RABGAP1L: variants seen among roughly 807,000 people sequenced by gnomAD.
The protein encoded by RABGAP1L is RAB GTPase activating protein 1 like, also known as rab GTPase-activating protein 1-like.
In RABGAP1L, 63 loss-of-function variants were observed where a neutral mutation model predicts 137.7. That is an observed-to-expected ratio of 0.46 (90% confidence interval 0.37 to 0.56). The LOEUF (loss-of-function observed/expected upper bound fraction) is 0.56, where lower values mean the gene tolerates loss of function less well. RABGAP1L is among the 20% of genes least tolerant of loss of function. The pLI, the probability that RABGAP1L is intolerant of heterozygous loss-of-function variation, is 0.00. For synonymous variants in RABGAP1L, 431 were observed against 433.7 expected (o/e 0.99, Z 0.08); for missense variants, 1,095 against 1,244.0 (o/e 0.88, Z 1.80).
chr1:174,882,438 C>T (rs952362027), intron 19 of RABGAP1L, among the ~76,000 whole-genome samples: 1 of 152,130 alleles, frequency 6.6e-6, no homozygotes, highest in African/African-American at 2.4e-5. Flanking sequence ...ACCTTGCAAG[C>T]TGTTACATAC....
chr1:174,619,059 A>G (rs1425411318), intron 13 of RABGAP1L, among the ~76,000 whole-genome samples: 2 of 152,250 alleles, frequency 1.3e-5, no homozygotes, highest in Non-Finnish European at 2.9e-5. Flanking sequence ...AATCAAATGA[A>G]TGAAATGAAG....
chr1:174,490,313 ACTGTGGTT>A (rs568247594), intron 13 of RABGAP1L, among the ~76,000 whole-genome samples: 213 of 152,282 alleles, frequency 1.4e-3, no homozygotes, highest in African/African-American at 4.8e-3. Context: ...GCCCGGTAAC[ACTGTGGTT>A]CTTACAGACT....
chr1:174,276,881 C>T (rs921351278), intron 9 of RABGAP1L, among the ~76,000 whole-genome samples: 1 of 152,064 alleles, frequency 6.6e-6, no homozygotes, highest in Non-Finnish European at 1.5e-5. Context: ...TCATTATCTA[C>T]TTTTAAACTA....
At chr1:174,834,832 A>G (rs115310155) in intron 19 of RABGAP1L, among the ~76,000 whole-genome samples, 1 of 152,330 alleles carries the variant, frequency 6.6e-6, no homozygotes, top group Non-Finnish European at 1.5e-5. Flanking sequence ...AAAAAAGTAA[A>G]AGGCTGGTAC....
intron 7 of RABGAP1L, among the ~76,000 whole-genome samples, chr1:174,258,388 G>A (rs945653219): frequency 2.0e-5 from 3 of 152,040 alleles, no homozygotes; most frequent in African/African-American, 7.2e-5. Context: ...AGGCTCAAGC[G>A]ATCCTCCCAT....
At chr1:174,638,995 C>A (rs1227094520) in intron 14 of RABGAP1L, among the ~76,000 whole-genome samples, 1 of 149,048 alleles carries the variant, frequency 6.7e-6, no homozygotes, top group East Asian at 2.0e-4. Context: ...ATGTATCTAA[C>A]CTGCACAATG....
chr1:174,612,795 G>A (rs898884929), intron 13 of RABGAP1L, among the ~76,000 whole-genome samples: 2 of 152,304 alleles, frequency 1.3e-5, no homozygotes, highest in African/African-American at 4.8e-5. Flanking sequence ...GAGAGTGTAC[G>A]TGTCAAGGAA....
chr1:174,399,700 C>G (rs1648314963), intron 13 of RABGAP1L, among the ~76,000 whole-genome samples: 1 of 152,088 alleles, frequency 6.6e-6, no homozygotes, highest in African/African-American at 2.4e-5. Flanking sequence ...AGCAAATTTA[C>G]AATCGTGGCG....
intron 13 of RABGAP1L, among the ~76,000 whole-genome samples, chr1:174,572,580 A>G (rs1209317148): frequency 6.6e-6 from 1 of 151,996 alleles, no homozygotes; most frequent in Non-Finnish European, 1.5e-5. Flanking sequence ...ACGGGGTTTC[A>G]CTGTATTGGC....
rs1350872385 is a variant in RABGAP1L at position 174,275,858 on chromosome 1, G to A, written c.1079G>A (p.Gly360Glu). The A allele has an allele frequency of 6.2e-7, 1 of 1,611,894 alleles. No individual in the cohort carries two copies. Among genetic ancestry groups the A allele is most frequent in the Non-Finnish European group, 8.5e-7 (1 of 1,178,816 alleles). Residue 360 changes from glycine (G) to glutamate (E), a missense_variant, in exon 9 of 26, where the codon GGG (glycine) becomes GAG (glutamate). By Grantham distance (98) the Gly-to-Glu change is moderately conservative (BLOSUM62 -2). Around this residue, in one of 4 missense-constraint regions of RABGAP1L, gnomAD observed 112 missense variants for 157.3 expected, o/e 0.71. Transcript: ENST00000681986. ...GAATCCATGGGAAAGAGCTATGATG[G>A]GAGAGCTTATGTCATCACTGGCATG... Reference protein sequence around the residue: ...DMESMGKSYDGRAYVITGMWN... With the variant: ...DMESMGKSYDERAYVITGMWN...
intron 17 of RABGAP1L, among the ~76,000 whole-genome samples, chr1:174,725,492 T>C (rs1394139073): frequency 2.0e-5 from 3 of 152,216 alleles, no homozygotes; most frequent in Non-Finnish European, 4.4e-5. Flanking sequence ...AGTTTTCTAT[T>C]TGGGAAAAGA....
At chr1:174,927,757 T>C (rs1663085127) in intron 19 of RABGAP1L, among the ~76,000 whole-genome samples, 1 of 152,150 alleles carries the variant, frequency 6.6e-6, no homozygotes. Context: ...ATAGTAAAAA[T>C]GAAGCTGTTA....
intron 12 of RABGAP1L, among the ~76,000 whole-genome samples, chr1:174,390,667 C>T (rs1295460191): frequency 6.6e-6 from 1 of 152,016 alleles, no homozygotes; most frequent in Non-Finnish European, 1.5e-5. Flanking sequence ...AAGTTGGTTG[C>T]AGTTGAGATG....
intron 19 of RABGAP1L, among the ~76,000 whole-genome samples, chr1:174,915,857 A>AT (rs1266477377): frequency 2.0e-5 from 3 of 152,078 alleles, no homozygotes; most frequent in Non-Finnish European, 4.4e-5. Context: ...ATTTATAAAT[A>AT]TTTTTTCCCA....
At position 174,234,725 on chromosome 1, in the gene RABGAP1L, G is replaced by A. The variant is rs914117851; in HGVS notation, c.542+3370G>A. ...TGATGCCTCCAGCTTTGCTCTTTTG[G>A]CTTAGGATTGACTTGGCAATGCGGG... On this transcript the variant is annotated intron_variant, in intron 4 of 25. Transcript: ENST00000681986. Among the ~76,000 whole-genome samples the A allele has an allele frequency of 3.3e-5, 5 of 149,804 alleles. 1 individual carries two copies. Among genetic ancestry groups the A allele is most frequent in the Admixed American group, 3.3e-4 (5 of 14,984 alleles).
chr1:174,941,844 T>C (rs1403737839), intron 19 of RABGAP1L, among the ~76,000 whole-genome samples: 1 of 152,210 alleles, frequency 6.6e-6, no homozygotes, highest in Non-Finnish European at 1.5e-5. Flanking sequence ...CTCTACACCA[T>C]CATAGAATGA....
chr1:174,867,355 G>T (rs1228808660), intron 19 of RABGAP1L, among the ~76,000 whole-genome samples: 4 of 151,670 alleles, frequency 2.6e-5, no homozygotes, highest in African/African-American at 7.3e-5. Context: ...AAAAAAGATA[G>T]ATAGATAGAT....
intron 15 of RABGAP1L, among the ~76,000 whole-genome samples, chr1:174,688,681 A>C (rs1305788366): frequency 6.6e-6 from 1 of 152,126 alleles, no homozygotes; most frequent in African/African-American, 2.4e-5. Context: ...AAAATGTCCA[A>C]TATTAGAATT....
intron 20 of RABGAP1L, among the ~76,000 whole-genome samples, chr1:174,962,188 A>G (rs537362958): frequency 1.6e-5 from 2 of 123,022 alleles, no homozygotes; most frequent in Middle Eastern, 3.8e-3. Flanking sequence ...AAATAAAAAT[A>G]AAAATACACC....
Sources: gnomAD v4.1 joint callset for allele counts (sites outside exome capture counted in the v4.1 genomes callset) on GRCh38, gnomAD v4.1.1 for gene constraint, gnomAD v4.1.1 regional missense constraint, MANE v1.5 for transcripts, NCBI Gene and HGNC (gene_info 2026-07-23, HGNC 2026-07-21) for gene names.